Variants in FMN1 observed in about 807,000 individuals in gnomAD.
The protein encoded by FMN1 is formin-1.
FMN1 carries 110 observed loss-of-function variants against 132.4 expected under a neutral mutation model. The ratio of observed to expected loss-of-function variants is 0.83; its 90% CI spans 0.71 to 0.97. The LOEUF is 0.97. FMN1 is among the 50% of genes least tolerant of loss of function. The pLI, the probability that FMN1 is intolerant of heterozygous loss-of-function variation, is 0.00. For missense variants in FMN1, 1,792 were observed against 1,705.3 expected (o/e 1.05, Z -0.90); for synonymous variants, 722 against 651.7 (o/e 1.11, Z -1.64).
At chr15:33,019,527 T>G (rs1334545433) in intron 6 of FMN1, among the ~76,000 whole-genome samples, 2 of 151,870 alleles carry the variant, frequency 1.3e-5, no homozygotes, top group African/African-American at 4.8e-5. Flanking sequence ...CGCCCTGGAG[T>G]AGGGGGCGGC....
At chr15:32,864,881 TAAATA>T (rs1261190221) in intron 16 of FMN1, among the ~76,000 whole-genome samples, 2 of 152,206 alleles carry the variant, frequency 1.3e-5, no homozygotes, top group Non-Finnish European at 2.9e-5. Context: ...GATAAATGGA[TAAATA>T]AAATATACTT....
intron 5 of FMN1, 39 bp downstream of exon 5, chr15:33,088,760 A>G: frequency 6.7e-7 from 1 of 1,500,844 alleles, no homozygotes; most frequent in Non-Finnish European, 8.9e-7. Flanking sequence ...TCTGTTGACC[A>G]CAAAGAACCA....
Position 33,121,477 on chromosome 15 carries a change from AT to A in FMN1, c.1867+31570del, listed in dbSNP as rs1962549528. ...TCTATATGATACAAAGGTAGAAATC[AT>A]TTGTCTATTACACCATTTCCCAGTA... On this transcript the variant is annotated intron_variant, in intron 4 of 20. Coordinates refer to ENST00000616417, the MANE Select transcript of FMN1 (RefSeq NM_001277313.2). Among the ~76,000 whole-genome samples the A allele has an allele frequency of 2.6e-5, 4 of 152,280 alleles. No homozygotes were observed. The South Asian group carries it at 8.3e-4, about 32-fold the overall frequency.
intron 14 of FMN1, among the ~76,000 whole-genome samples, chr15:32,899,452 C>T (rs113308042): frequency 1.2e-4 from 18 of 152,200 alleles, no homozygotes; most frequent in Admixed American, 6.5e-4. Flanking sequence ...CCCCCTGCCC[C>T]CCATGGGACG....
intron 4 of FMN1, among the ~76,000 whole-genome samples, chr15:33,103,061 C>G (rs2039353563): frequency 1.3e-5 from 2 of 152,100 alleles, no homozygotes; most frequent in African/African-American, 4.8e-5. Flanking sequence ...ACTCCAGCAT[C>G]TGACACAGTG....
At chr15:33,183,593 C>A (rs185073195) in intron 2 of FMN1, among the ~76,000 whole-genome samples, 2 of 152,242 alleles carry the variant, frequency 1.3e-5, no homozygotes, top group East Asian at 3.9e-4. Flanking sequence ...ATTTCATACA[C>A]CCAAAGTAGT....
chr15:32,825,161 C>T (rs2058332515), intron 17 of FMN1, among the ~76,000 whole-genome samples: 1 of 152,248 alleles, frequency 6.6e-6, no homozygotes, highest in African/African-American at 2.4e-5. Context: ...TTCACCTGAG[C>T]TACTTCAGTA....
At chr15:33,012,400 C>T (rs1292980555) in intron 6 of FMN1, 2 of 922,230 alleles carry the variant, frequency 2.2e-6, no homozygotes, top group Non-Finnish European at 3.5e-6. Flanking sequence ...AGAAGATTCT[C>T]AAAGACCAGG....
chr15:32,972,098 A>C (rs964270620), intron 7 of FMN1, among the ~76,000 whole-genome samples: 3 of 152,154 alleles, frequency 2.0e-5, no homozygotes, highest in Admixed American at 2.0e-4. Flanking sequence ...AGGGAGGCAA[A>C]TTAATATACG....
In FMN1 at chr15:32,988,766, C is replaced by T. The variant is rs1269639467; in HGVS notation, c.2223+19248G>A. 6.6e-5 allele frequency among the ~76,000 whole-genome samples: 5 copies of T among 75,952 alleles called. No individual in the cohort carries two copies. The East Asian group carries it at 1.9e-3, about 29-fold the overall frequency. 49.8% of individuals were successfully genotyped at this position (75,952 alleles called of 152,430 possible). A position where few individuals can be genotyped will look rare whatever the true frequency, so the allele number is the denominator to read the frequency against. On this transcript the variant is annotated intron_variant, in intron 7 of 20. Coordinates refer to ENST00000616417, the MANE Select transcript of FMN1 (RefSeq NM_001277313.2). ...TTGTTGTTGTGATCATGTCACCTCCCTTTAATGTATTGAGAAAGTTGAGAA... is the reference window on the plus strand; with the variant it reads ...TTGTTGTTGTGATCATGTCACCTCCTTTTAATGTATTGAGAAAGTTGAGAA...
At chr15:33,040,718 T>C (rs568188229) in intron 6 of FMN1, among the ~76,000 whole-genome samples, 1 of 152,184 alleles carries the variant, frequency 6.6e-6, no homozygotes, top group Non-Finnish European at 1.5e-5. Context: ...CCCCCAGGAG[T>C]CATCCTAGCC....
intron 17 of FMN1, among the ~76,000 whole-genome samples, chr15:32,807,273 A>C (rs767753934): frequency 6.6e-6 from 1 of 152,242 alleles, no homozygotes; most frequent in African/African-American, 2.4e-5. Flanking sequence ...TTCAGCTTTC[A>C]TAAGTGCATC....
chr15:33,007,381 G>T (rs2140941521), intron 7 of FMN1, among the ~76,000 whole-genome samples: 1 of 152,226 alleles, frequency 6.6e-6, no homozygotes, highest in East Asian at 1.9e-4. Context: ...CCAGTTATTT[G>T]AAGTTAAGAT....
Position 32,845,625 on chromosome 15 carries a change from T to G in FMN1, c.3928+11390A>C, listed in dbSNP as rs1466618615. Among the ~76,000 whole-genome samples, 4 of 152,108 alleles carry G rather than the reference T, an allele frequency of 2.6e-5. No individual in the cohort carries two copies. In the East Asian group the frequency reaches 7.7e-4, roughly 29 times the overall value. ...AGTTACCAAGACCCTCAGACTCAGT[T>G]TTCTTATCTGGAAAGTTAGGAATGA... is the stretch of plus-strand genomic sequence containing the variant. On this transcript the variant is annotated intron_variant, in intron 17 of 20. Coordinates refer to ENST00000616417, the MANE Select transcript of FMN1 (RefSeq NM_001277313.2).
intron 16 of FMN1, among the ~76,000 whole-genome samples, chr15:32,882,431 G>C (rs1183240529): frequency 6.6e-6 from 1 of 152,134 alleles, no homozygotes; most frequent in African/African-American, 2.4e-5. Context: ...TCATTAAATG[G>C]TAAGTGTTGT....
chr15:32,980,105 T>C (rs1266536771), intron 7 of FMN1, among the ~76,000 whole-genome samples: 1 of 152,166 alleles, frequency 6.6e-6, no homozygotes, highest in Non-Finnish European at 1.5e-5. Flanking sequence ...GGTTCTGGCT[T>C]AGGATGCCTC....
chr15:33,113,156 C>T (rs2140135169), intron 4 of FMN1, among the ~76,000 whole-genome samples: 1 of 152,296 alleles, frequency 6.6e-6, no homozygotes, highest in East Asian at 1.9e-4. Flanking sequence ...AATTTGGATG[C>T]TTTGTGGCCA....
chr15:32,991,834 G>A (rs1187442401), intron 7 of FMN1, among the ~76,000 whole-genome samples: 1 of 152,114 alleles, frequency 6.6e-6, no homozygotes. Flanking sequence ...GGCATTATAT[G>A]GATCCAATAA....
intron 3 of FMN1, among the ~76,000 whole-genome samples, chr15:33,167,439 T>C (rs1331931599): frequency 6.6e-6 from 1 of 152,194 alleles, no homozygotes; most frequent in Non-Finnish European, 1.5e-5. Flanking sequence ...GCCTGGGGTA[T>C]GTATTTATTA....
Sources: allele counts gnomAD v4.1 joint callset (sites outside exome capture counted in the v4.1 genomes callset), GRCh38; gene constraint gnomAD v4.1.1; transcripts MANE v1.5; gene names NCBI Gene and HGNC (gene_info 2026-07-23, HGNC 2026-07-21).